Variants in DMRT1 observed in about 807,000 individuals in gnomAD.
DMRT1 encodes the protein doublesex and mab-3 related transcription factor 1.
DMRT1 carries 7 observed loss-of-function variants against 32.3 expected under a neutral mutation model. The ratio of observed to expected loss-of-function variants is 0.22; its 90% CI spans 0.12 to 0.41. The LOEUF (loss-of-function observed/expected upper bound fraction) is 0.41, where lower values mean the gene tolerates loss of function less well. Ranked by LOEUF, DMRT1 falls within the 10% of genes least tolerant of loss-of-function variation. The pLI is 1.00. For synonymous variants in DMRT1, 278 were observed against 206.1 expected (o/e 1.35, Z -2.99); for missense variants, 625 against 500.5 (o/e 1.25, Z -2.37).
chr9:849,165 G>A (rs1839035091), intron 2 of DMRT1, among the ~76,000 whole-genome samples: 1 of 152,104 alleles, frequency 6.6e-6, no homozygotes, highest in Admixed American at 6.5e-5. Context: ...GACTGCCACA[G>A]AAAAGAGCTG....
At chr9:856,778 G>C (rs1815418779) in intron 2 of DMRT1, among the ~76,000 whole-genome samples, 4 of 152,102 alleles carry the variant, frequency 2.6e-5, no homozygotes, top group African/African-American at 9.7e-5. Context: ...TGAGTTTTAT[G>C]TTAACTCTGT....
chr9:890,826 T>C (rs1817117255), intron 2 of DMRT1, among the ~76,000 whole-genome samples: 1 of 152,176 alleles, frequency 6.6e-6, no homozygotes, highest in African/African-American at 2.4e-5. Context: ...GCAATTCTCC[T>C]GCCTCATCCT....
chr9:890,896 T>G (rs571293353), intron 2 of DMRT1, among the ~76,000 whole-genome samples: 1 of 151,318 alleles, frequency 6.6e-6, no homozygotes, highest in Admixed American at 6.6e-5. Context: ...AATTTTTTTT[T>G]GTATTTTTTT....
intron 2 of DMRT1, among the ~76,000 whole-genome samples, chr9:854,238 T>A (rs1815291693): frequency 6.6e-6 from 1 of 152,032 alleles, no homozygotes; most frequent in African/African-American, 2.4e-5. Flanking sequence ...TGCCTCAGCC[T>A]CCCAGGTAGC....
intron 3 of DMRT1, among the ~76,000 whole-genome samples, chr9:900,262 TCTGC>T (rs1387950166): frequency 6.6e-6 from 1 of 152,166 alleles, no homozygotes; most frequent in East Asian, 1.9e-4. Context: ...TCCAGCACCT[TCTGC>T]CTGCTGAGGG....
intron 2 of DMRT1, among the ~76,000 whole-genome samples, chr9:861,751 G>A (rs1401184981): frequency 6.6e-6 from 1 of 151,384 alleles, no homozygotes; most frequent in East Asian, 2.0e-4. Context: ...CTCCTGGACG[G>A]GGCGGCTGCT....
chr9:860,419 C>T (rs1815606442), intron 2 of DMRT1, among the ~76,000 whole-genome samples: 1 of 152,130 alleles, frequency 6.6e-6, no homozygotes, highest in African/African-American at 2.4e-5. Context: ...TTCATCTCTG[C>T]TGGAGAGTTT....
intron 4 of DMRT1, among the ~76,000 whole-genome samples, chr9:963,572 G>C (rs1819843125): frequency 6.6e-6 from 1 of 152,180 alleles, no homozygotes. Flanking sequence ...ATCCATGATA[G>C]ATCAGGTGGA....
chr9:928,064 C>T (rs1443849173), intron 4 of DMRT1, among the ~76,000 whole-genome samples: 1 of 152,096 alleles, frequency 6.6e-6, no homozygotes, highest in African/African-American at 2.4e-5. Context: ...GTATCAAAAT[C>T]CTAGTGCTGC....
chr9:874,136 C>G (rs1589483384), intron 2 of DMRT1, among the ~76,000 whole-genome samples: 1 of 152,194 alleles, frequency 6.6e-6, no homozygotes, highest in Non-Finnish European at 1.5e-5. Flanking sequence ...GGGGTAGAAT[C>G]TCTTTTCTCC....
chr9:875,698 T>C (rs1157058695), intron 2 of DMRT1, among the ~76,000 whole-genome samples: 1 of 152,224 alleles, frequency 6.6e-6, no homozygotes, highest in Admixed American at 6.5e-5. Context: ...CATGGCTCTT[T>C]GTAGTCATTT....
At chr9:905,102 AGTGCATG>A (rs1817721835) in intron 3 of DMRT1, among the ~76,000 whole-genome samples, 2 of 152,230 alleles carry the variant, frequency 1.3e-5, no homozygotes, top group African/African-American at 4.8e-5. Context: ...TAGAATTTCC[AGTGCATG>A]GTGATAGATT....
chr9:866,871 A>T (rs536079245), intron 2 of DMRT1, among the ~76,000 whole-genome samples: 15 of 152,128 alleles, frequency 9.9e-5, no homozygotes, highest in Non-Finnish European at 1.9e-4. Flanking sequence ...TTACAGGAGG[A>T]AGGAGTAAGA....
In DMRT1 at chr9:847,053, G is replaced by C. The variant is rs752289452; in HGVS notation, c.448G>C (p.Glu150Gln). 4 of 1,613,986 alleles carry C rather than the reference G, an allele frequency of 2.5e-6. No individual in the cohort carries two copies. Among genetic ancestry groups the C allele is most frequent in the Non-Finnish European group, 3.4e-6 (4 of 1,180,058 alleles). The change falls in exon 2 of 5, where the codon GAG becomes CAG. Residue 150 changes from glutamate to glutamine, a missense_variant. Coordinates refer to ENST00000382276, the MANE Select transcript of DMRT1 (RefSeq NM_021951.3). ...PSAAELLVKR[E>Q]NNGSNPCLMT... ...TGCGGCCGAGCTGCTTGTCAAAAGA[G>C]AGAACAATGGCAGTAACCCGTGCCT...
At chr9:894,791 G>T (rs1054685279) in intron 3 of DMRT1, 65 of 148,410 alleles carry the variant, frequency 4.4e-4, no homozygotes, top group Admixed American at 1.7e-3. Flanking sequence ...CTCCAAGTTT[G>T]TTTTTTTTTT....
intron 3 of DMRT1, among the ~76,000 whole-genome samples, chr9:901,985 C>T (rs574974078): frequency 7.5e-4 from 112 of 150,320 alleles, no homozygotes; most frequent in African/African-American, 1.8e-3. Flanking sequence ...CGATCTCAGC[C>T]CACTGCAACC....
At chr9:898,508 C>T (rs1221382229) in intron 3 of DMRT1, among the ~76,000 whole-genome samples, 2 of 152,182 alleles carry the variant, frequency 1.3e-5, no homozygotes, top group African/African-American at 4.8e-5. Flanking sequence ...AAGGCTCTCT[C>T]ACTCTGCTCT....
chr9:923,800 T>C (rs1314899329), intron 4 of DMRT1, among the ~76,000 whole-genome samples: 1 of 152,256 alleles, frequency 6.6e-6, no homozygotes, highest in Admixed American at 6.5e-5. Context: ...ATGTGTTTTA[T>C]GCAACATTTA....
intron 4 of DMRT1, among the ~76,000 whole-genome samples, chr9:917,378 C>T (rs989495957): frequency 6.6e-6 from 1 of 152,118 alleles, no homozygotes; most frequent in African/African-American, 2.4e-5. Context: ...TATGCAGTAG[C>T]AATGCAAATA....
Sources: gnomAD v4.1 joint callset for allele counts (sites outside exome capture counted in the v4.1 genomes callset) on GRCh38, gnomAD v4.1.1 for gene constraint, MANE v1.5 for transcripts, NCBI Gene and HGNC (gene_info 2026-07-23, HGNC 2026-07-21) for gene names.